Variants in CSMD1 observed in about 807,000 individuals in gnomAD.
The protein encoded by CSMD1 is CUB and Sushi multiple domains 1, also known as CUB and sushi domain-containing protein 1.
Under a neutral mutation model 417.5 loss-of-function variants are expected in CSMD1, and 213 were observed. That is an observed-to-expected ratio of 0.51 (90% confidence interval 0.46 to 0.57). The LOEUF (loss-of-function observed/expected upper bound fraction) is 0.57, where lower values mean the gene tolerates loss of function less well. CSMD1 is among the 20% of genes least tolerant of loss of function. The probability of loss-of-function intolerance (pLI) is 0.00; values close to 1 mark genes in which losing one functional copy is unlikely to be tolerated. For synonymous variants in CSMD1, 2,862 were observed against 1,736.8 expected, an observed-to-expected ratio of 1.65 and a Z score of -16.11; for missense variants, 6,923 against 4,529.7, an observed-to-expected ratio of 1.53 and a Z score of -15.17.
At chr8:3,508,141 A>G (rs1029129967) in intron 10 of CSMD1, among the ~76,000 whole-genome samples, 4 of 152,164 alleles carry the variant, frequency 2.6e-5, no homozygotes, top group Admixed American at 2.0e-4. Context: ...ACCAAACACC[A>G]CATGTTCTCA....
At chr8:4,604,069 A>T (rs1228718649) in intron 2 of CSMD1, among the ~76,000 whole-genome samples, 2 of 152,054 alleles carry the variant, frequency 1.3e-5, no homozygotes, top group East Asian at 3.9e-4. Flanking sequence ...CTTACTCATC[A>T]ACTTAGTTGT....
chr8:4,492,569 TATA>T (rs1485043911), intron 2 of CSMD1, among the ~76,000 whole-genome samples: 2 of 152,224 alleles, frequency 1.3e-5, no homozygotes, highest in Non-Finnish European at 2.9e-5. Context: ...GTGAAAACAA[TATA>T]ATCGTTTTCA....
intron 1 of CSMD1, among the ~76,000 whole-genome samples, chr8:4,931,813 G>C (rs757344607): frequency 2.6e-5 from 4 of 152,150 alleles, no homozygotes; most frequent in African/African-American, 7.2e-5. Flanking sequence ...AAACATTTTA[G>C]CTTGTTAAGA....
chr8:3,567,306 A>T (rs111843168), intron 10 of CSMD1, among the ~76,000 whole-genome samples: 3,907 of 152,120 alleles, frequency 0.026, 167 homozygotes, highest in African/African-American at 0.085. Flanking sequence ...ATCAGAAAAA[A>T]CAACTGTTGG....
chr8:3,268,813 G>C (rs1448002498), intron 26 of CSMD1, among the ~76,000 whole-genome samples: 1 of 152,104 alleles, frequency 6.6e-6, no homozygotes, highest in Non-Finnish European at 1.5e-5. Context: ...CCAGGGTCCT[G>C]GGGGACAGTG....
At chr8:3,353,281 A>G (rs1389772229) in intron 21 of CSMD1, among the ~76,000 whole-genome samples, 1 of 152,160 alleles carries the variant, frequency 6.6e-6, no homozygotes, top group Non-Finnish European at 1.5e-5. Context: ...ATACTTTTGG[A>G]GGCATGTCTT....
At chr8:4,705,418 A>G (rs547877161) in intron 1 of CSMD1, among the ~76,000 whole-genome samples, 1 of 152,258 alleles carries the variant, frequency 6.6e-6, no homozygotes, top group Admixed American at 6.5e-5. Flanking sequence ...AAAGACACAA[A>G]ACCCTAATCC....
chr8:3,984,637 C>T (rs1354356282), intron 5 of CSMD1, among the ~76,000 whole-genome samples: 4 of 144,464 alleles, frequency 2.8e-5, no homozygotes, highest in East Asian at 4.1e-4. Flanking sequence ...GAACAAAATG[C>T]CAAGGCTTGT....
intron 1 of CSMD1, among the ~76,000 whole-genome samples, chr8:4,644,085 G>A (rs990450823): frequency 6.6e-6 from 1 of 152,164 alleles, no homozygotes; most frequent in Admixed American, 6.5e-5. Flanking sequence ...CCAAGGAATC[G>A]ATTTCTCACT....
chr8:3,912,082 C>T (rs1808499532), intron 5 of CSMD1, among the ~76,000 whole-genome samples: 2 of 152,042 alleles, frequency 1.3e-5, no homozygotes, highest in Admixed American at 6.6e-5. Context: ...CTTTTCAAAC[C>T]CTAAATCAAT....
chr8:4,953,915 G>A (rs900786911), intron 1 of CSMD1, among the ~76,000 whole-genome samples: 2 of 152,004 alleles, frequency 1.3e-5, no homozygotes, highest in African/African-American at 4.8e-5. Flanking sequence ...GGGATCAAGG[G>A]TTTTGATGTT....
At chr8:3,609,551 T>A (rs1252867167) in intron 8 of CSMD1, among the ~76,000 whole-genome samples, 1 of 152,106 alleles carries the variant, frequency 6.6e-6, no homozygotes, top group Non-Finnish European at 1.5e-5. Flanking sequence ...GAACCCAGAA[T>A]AATACTATAA....
intron 5 of CSMD1, among the ~76,000 whole-genome samples, chr8:3,761,442 T>C (rs1022498459): frequency 6.6e-6 from 1 of 151,228 alleles, no homozygotes; most frequent in East Asian, 1.9e-4. Flanking sequence ...CCATATGGTA[T>C]ATTTAAAACT....
chr8:4,397,418 A>C (rs565821751), intron 3 of CSMD1, among the ~76,000 whole-genome samples: 1 of 152,152 alleles, frequency 6.6e-6, no homozygotes, highest in African/African-American at 2.4e-5. Context: ...ATAAGAAATC[A>C]TTAGGAACAT....
chr8:4,927,885 C>A (rs1430232057), intron 1 of CSMD1, among the ~76,000 whole-genome samples: 1 of 152,180 alleles, frequency 6.6e-6, no homozygotes, highest in Non-Finnish European at 1.5e-5. Flanking sequence ...CCCCAAAGAT[C>A]CCACCTTGTC....
intron 23 of CSMD1, among the ~76,000 whole-genome samples, chr8:3,309,158 C>T (rs1805126962): frequency 6.6e-6 from 1 of 152,124 alleles, no homozygotes; most frequent in South Asian, 2.1e-4. Context: ...GCCTCTTTGC[C>T]CCTCTGTCAC....
intron 69 of CSMD1, 40 bp from the exon 70 acceptor site, chr8:2,938,784 C>A (rs1296381404): frequency 6.4e-7 from 1 of 1,552,456 alleles, no homozygotes; most frequent in South Asian, 1.2e-5. Flanking sequence ...ATCCTGGTTT[C>A]ATTTGCAGAT....
chr8:3,192,068 A>C lies in CSMD1; in HGVS notation c.5195-1953T>G, dbSNP rs144057117. ...TTTGGGTAACTGCTGCTGGGGAAGC[A>C]GTTCCATGAAAACGGAAATTGGCAG... On this transcript the variant is annotated intron_variant, in intron 33 of 69. Coordinates refer to ENST00000635120, the MANE Select transcript of CSMD1 (RefSeq NM_033225.6). Among the ~76,000 whole-genome samples, 580 of 152,314 alleles carry C rather than the reference A, an allele frequency of 3.8e-3. 4 individuals are homozygous for C. Among genetic ancestry groups the C allele is most frequent in the African/African-American group, 0.013 (559 of 41,568 alleles).
At chr8:3,398,150 G>C (rs1811813939) in intron 16 of CSMD1, among the ~76,000 whole-genome samples, 1 of 152,108 alleles carries the variant, frequency 6.6e-6, no homozygotes, top group Non-Finnish European at 1.5e-5. Context: ...GAAGAATATA[G>C]GATCACTACT....
Sources: allele counts gnomAD v4.1 joint callset (sites outside exome capture counted in the v4.1 genomes callset), GRCh38; gene constraint gnomAD v4.1.1; transcripts MANE v1.5; gene names NCBI Gene and HGNC (gene_info 2026-07-23, HGNC 2026-07-21).